CD4: variants seen among roughly 807,000 people sequenced by gnomAD.
CD4 encodes T-cell surface glycoprotein CD4.
In CD4, 25 loss-of-function variants were observed where a neutral mutation model predicts 50.5. The ratio of observed to expected loss-of-function variants is 0.49; its 90% confidence interval spans 0.36 to 0.69. CD4 has a LOEUF of 0.69. Among genes scored for constraint, CD4 ranks in the 30% least tolerant of loss-of-function variants. The pLI, the probability that CD4 is intolerant of heterozygous loss-of-function variation, is 0.00. For missense variants in CD4, 456 were observed against 548.5 expected (o/e 0.83, Z 1.68); for synonymous variants, 207 against 221.9 (o/e 0.93, Z 0.60).
At chr12:6,797,636 G>C (rs1942410971) in intron 1 of CD4, among the ~76,000 whole-genome samples, 1 of 152,158 alleles carries the variant, frequency 6.6e-6, no homozygotes, top group Admixed American at 6.6e-5. Flanking sequence ...TAGGGTGAAG[G>C]TGAGGAGAGG....
chr12:6,818,724 G>C lies in CD4; in HGVS notation c.1279-123G>C, dbSNP rs782291912. ...GGAAGGAGCAGAGAGTTAATTCCAG[G>C]ATAGATGGCCTGGGCCATGTAACTG... is the stretch of plus-strand genomic sequence containing the variant. On this transcript the variant is annotated intron_variant, in intron 8 of 9. Coordinates refer to ENST00000011653, the MANE Select transcript of CD4 (RefSeq NM_000616.5). This position sits in a 1 kb window ranked among gnomAD's most constrained non-coding sequence, Gnocchi z 5.0. 68 of 1,191,968 alleles carry C rather than the reference G, an allele frequency of 5.7e-5. No homozygotes were observed. In the Admixed American group the frequency reaches 5.7e-4, roughly 10 times the overall value. 73.8% of individuals were successfully genotyped at this position (1,191,968 alleles called of 1,614,324 possible).
At chr12:6,809,076 A>G (rs1462728588) in intron 3 of CD4, among the ~76,000 whole-genome samples, 1 of 151,992 alleles carries the variant, frequency 6.6e-6, no homozygotes, top group African/African-American at 2.4e-5. Context: ...CAACTTCCTG[A>G]TTTCTAACAA....
chr12:6,809,916 GTCTC>G (rs59225160), intron 3 of CD4, among the ~76,000 whole-genome samples: 3 of 142,236 alleles, frequency 2.1e-5, no homozygotes, highest in Admixed American at 7.1e-5. Context: ...TTGAGATGGA[GTCTC>G]TCTCTCTCAT....
Position 6,819,616 on chromosome 12 carries a change from G to C in CD4, c.*287G>C. On this transcript the variant is annotated 3_prime_UTR_variant, in exon 10 of 10. Coordinates refer to ENST00000011653, the MANE Select transcript of CD4 (RefSeq NM_000616.5). ...TGACCCTCTCCCCACTGCTCATTTG[G>C]ATCCCAGGGGAGTGTTCAGGGCCAG... is the stretch of plus-strand genomic sequence containing the variant. 2.1e-6 allele frequency: 1 copy of C among 477,318 alleles called. No individual in the cohort carries two copies. Among genetic ancestry groups the C allele is most frequent in the Non-Finnish European group, 3.8e-6 (1 of 261,898 alleles). The allele number at this position is 477,318 out of a possible 1,614,324, so 29.6% of individuals were successfully genotyped here.
chr12:6,814,743 GC>G lies in CD4; in HGVS notation c.374-14del. On this transcript the variant is annotated splice_polypyrimidine_tract_variant and intron_variant, in intron 4 of 9. Coordinates refer to ENST00000011653, the MANE Select transcript of CD4 (RefSeq NM_000616.5). ...GGATGGTATGTGTGTGACACAGCTG[GC>G]CTTTCCCTCCACAGTGACTGCCAAC... is the stretch of plus-strand genomic sequence containing the variant. The G allele has an allele frequency of 6.3e-7, 1 of 1,590,964 alleles. No homozygotes were observed. The highest frequency in any genetic ancestry group is 8.6e-7 in the Non-Finnish European group (1 of 1,159,336).
In CD4 at chr12:6,814,252, T is replaced by C; in HGVS notation, c.325T>C (p.Cys109Arg). The C allele has an allele frequency of 6.2e-7, 1 of 1,614,122 alleles. No individual in the cohort carries two copies. Residue 109 changes from cysteine to arginine, a missense_variant, in exon 4 of 10, where the codon TGT (cysteine) becomes CGT (arginine). Cys to Arg is a radical substitution (Grantham distance 180). Transcript: ENST00000011653. ...GATAGAAGACTCAGATACTTACATC[T>C]GTGAAGTGGAGGACCAGAAGGAGGA... Reference protein sequence around the residue: ...LKIEDSDTYICEVEDQKEEVQ... With the variant: ...LKIEDSDTYIREVEDQKEEVQ...
chr12:6,814,407 C>A, intron 4 of CD4, 107 bp downstream of exon 4: 1 of 1,192,018 alleles, frequency 8.4e-7, no homozygotes, highest in Non-Finnish European at 1.2e-6. Context: ...GCAGCAGCCC[C>A]AAGAGGACCA....
At chr12:6,813,943 T>C in intron 3 of CD4, 199 bp from the exon 4 acceptor site, 1 of 511,974 alleles carries the variant, frequency 2.0e-6, no homozygotes. Flanking sequence ...ATTTTATTTG[T>C]ATTTGTGAGC....
At chr12:6,791,864 A>G (rs942357786) in intron 1 of CD4, among the ~76,000 whole-genome samples, 6 of 152,140 alleles carry the variant, frequency 3.9e-5, no homozygotes, top group African/African-American at 1.4e-4. Context: ...CCTGGGCGAG[A>G]GTGAGGCCCT....
intron 1 of CD4, among the ~76,000 whole-genome samples, chr12:6,795,959 C>T (rs148485875): frequency 4.6e-5 from 7 of 152,194 alleles, no homozygotes; most frequent in African/African-American, 9.7e-5. Context: ...TGGGGATGAA[C>T]AGCTTGGATT....
rs118185785 is a variant in CD4 at position 6,819,533 on chromosome 12, C to A, written c.*204C>A. 1 of 600,992 alleles carries A rather than the reference C, an allele frequency of 1.7e-6. No homozygotes were observed. The highest frequency in any genetic ancestry group is 2.0e-5 in the South Asian group (1 of 50,948). The allele number at this position is 600,992 out of a possible 1,614,324, so 37.2% of individuals were successfully genotyped here. ...CTAGTTTCCAGAGGCTTAATCACAC[C>A]GTCCTCCACGCCATTTCCTTTTCCT... On this transcript the variant is annotated 3_prime_UTR_variant, in exon 10 of 10. Transcript: ENST00000011653.
At chr12:6,795,487 C>A (rs1027120783) in intron 1 of CD4, among the ~76,000 whole-genome samples, 3 of 152,230 alleles carry the variant, frequency 2.0e-5, no homozygotes, top group Non-Finnish European at 4.4e-5. Flanking sequence ...TTCCTCTCCA[C>A]AGATTGTGTC....
rs567379083 is a variant in CD4, at chr12:6,792,041, C to T, written c.-68+2379C>T. Among the ~76,000 whole-genome samples, 3 of 152,202 alleles carry T rather than the reference C, an allele frequency of 2.0e-5. No homozygotes were observed. The highest frequency in any genetic ancestry group is 1.9e-4 in the East Asian group (1 of 5,182). Reference sequence around the variant, plus strand: ...GTGTCTGAGGCGAAGAAGAGGATGGCGGAGGTTGCAGCCACCAACCACAAG... The same window carrying T: ...GTGTCTGAGGCGAAGAAGAGGATGGTGGAGGTTGCAGCCACCAACCACAAG... On this transcript the variant is annotated intron_variant, in intron 1 of 9. Transcript: ENST00000011653. The surrounding 1 kb of genome is among the most constrained non-coding windows in gnomAD (Gnocchi z 4.1).
At chr12:6,815,606 G>T (rs375709166) in intron 5 of CD4, 10 of 709,590 alleles carry the variant, frequency 1.4e-5, no homozygotes, top group Non-Finnish European at 2.2e-5. Flanking sequence ...CTGTGAAATG[G>T]GGATGATGTT....
Position 6,816,262 on chromosome 12 carries a change from C to T in CD4, c.814C>T (p.Leu272Phe), listed in dbSNP as rs1555117922. 6.2e-7 allele frequency: 1 copy of T among 1,614,114 alleles called. No homozygotes were observed. The highest frequency in any genetic ancestry group is 1.1e-5 in the South Asian group (1 of 91,094). Residue 272 changes from leucine (L) to phenylalanine (F), a missense_variant, in exon 6 of 10, where the codon CTC (leucine) becomes TTC (phenylalanine). Transcript: ENST00000011653. This position sits in a 1 kb window ranked among gnomAD's most constrained non-coding sequence, Gnocchi z 4.9. ...AAAACGGGTTACCCAGGACCCTAAG[C>T]TCCAGATGGGCAAGAAGCTCCCGCT... is the stretch of plus-strand genomic sequence containing the variant. ...SVKRVTQDPK[L>F]QMGKKLPLHL...
intron 3 of CD4, among the ~76,000 whole-genome samples, chr12:6,806,771 A>G (rs1942774197): frequency 6.6e-6 from 1 of 152,242 alleles, no homozygotes; most frequent in Non-Finnish European, 1.5e-5. Flanking sequence ...GAACACCACC[A>G]AATGCTGATG....
At chr12:6,814,470 G>A (rs1489021520) in intron 4 of CD4, 170 bp downstream of exon 4, 4 of 710,952 alleles carry the variant, frequency 5.6e-6, no homozygotes, top group Non-Finnish European at 9.2e-6. Flanking sequence ...TCAGGTGAGG[G>A]ATGCTGGTGG....
intron 1 of CD4, among the ~76,000 whole-genome samples, chr12:6,796,342 G>A (rs890064101): frequency 6.6e-6 from 1 of 152,212 alleles, no homozygotes; most frequent in African/African-American, 2.4e-5. Flanking sequence ...AGCTTCAACG[G>A]CAAAGATGCC....
chr12:6,789,744 C>T (rs1942093979), intron 1 of CD4, 82 bp downstream of exon 1: 1 of 152,230 alleles, frequency 6.6e-6, no homozygotes, highest in Admixed American at 6.5e-5. Context: ...TGTGCTCTGC[C>T]CAGTTGTCTG....
Sources: allele counts gnomAD v4.1 joint callset (sites outside exome capture counted in the v4.1 genomes callset), GRCh38; gene constraint gnomAD v4.1.1; non-coding constraint Gnocchi (gnomAD v3.1); transcripts MANE v1.5; gene names NCBI Gene and HGNC (gene_info 2026-07-23, HGNC 2026-07-21).